PCSK6: variants seen among roughly 807,000 people sequenced by gnomAD.
The protein encoded by PCSK6 is paired basic amino acid cleaving enzyme 4.
Under a neutral mutation model 123.3 loss-of-function variants are expected in PCSK6, and 85 were observed. That is an observed-to-expected ratio of 0.69 (90% CI 0.58 to 0.83). PCSK6 has a LOEUF of 0.83. Ranked by LOEUF, PCSK6 falls within the 40% of genes least tolerant of loss-of-function variation. The pLI is 0.00. For missense variants in PCSK6, 1,191 were observed against 1,282.3 expected (o/e 0.93, Z 1.09); for synonymous variants, 508 against 516.0 (o/e 0.98, Z 0.21).
At position 101,489,481 on chromosome 15, in the gene PCSK6, G is replaced by A. The variant is rs1228449615; in HGVS notation, c.190C>T (p.Pro64Ser). The change falls in exon 1 of 22, where the codon CCC (proline) becomes TCC (serine). Residue 64 changes from proline to serine, a missense_variant. Physicochemically the swap from Pro to Ser is moderately conservative, Grantham distance 74. Coordinates refer to ENST00000611716, the MANE Select transcript of PCSK6 (RefSeq NM_002570.5). ...LLALPAACSA[P>S]PPRPVYTNHW... is the part of the protein sequence containing the mutation. ...TTGGTGTAGACGGGGCGCGGCGGGGGCGCGGAGCAGGCGGCAGGCAGCGCC... is the reference window on the plus strand; with the variant it reads ...TTGGTGTAGACGGGGCGCGGCGGGGACGCGGAGCAGGCGGCAGGCAGCGCC... 9 of 1,088,440 alleles carry A rather than the reference G, an allele frequency of 8.3e-6. No homozygotes were observed. The African/African-American group carries it at 1.2e-4, about 14-fold the overall frequency. 67.4% of individuals were successfully genotyped at this position (1,088,440 alleles called of 1,614,324 possible). A position where few individuals can be genotyped will look rare whatever the true frequency, so the allele number is the denominator to read the frequency against.
Position 101,398,184 on chromosome 15 carries a change from A to G in PCSK6, c.996+220T>C, listed in dbSNP as rs1323507664. ...GTGGCCACCTGGCTGTCACTGGAACAGCTGTTCTGGAACGAGGCAAAAACA... is the reference window on the plus strand; with the variant it reads ...GTGGCCACCTGGCTGTCACTGGAACGGCTGTTCTGGAACGAGGCAAAAACA... On this transcript the variant is annotated intron_variant, in intron 7 of 21. Coordinates refer to ENST00000611716, the MANE Select transcript of PCSK6 (RefSeq NM_002570.5). The surrounding 1 kb of genome is among the most constrained non-coding windows in gnomAD (Gnocchi z 4.6). 6.6e-6 allele frequency among the ~76,000 whole-genome samples: 1 copy of G among 152,188 alleles called. No individual in the cohort carries two copies. The highest frequency in any genetic ancestry group is 1.9e-4 in the East Asian group (1 of 5,188).
At chr15:101,458,642 G>C (rs1012730624) in intron 1 of PCSK6, among the ~76,000 whole-genome samples, 1 of 152,058 alleles carries the variant, frequency 6.6e-6, no homozygotes, top group African/African-American at 2.4e-5. Context: ...CGCGACTGAC[G>C]GTCCCAAAGG....
At chr15:101,484,277 G>A (rs1277928126) in intron 1 of PCSK6, among the ~76,000 whole-genome samples, 1 of 152,156 alleles carries the variant, frequency 6.6e-6, no homozygotes, top group African/African-American at 2.4e-5. Context: ...GGAGGTCATT[G>A]CTAACTAGAA....
chr15:101,366,851 T>A (rs984231795), intron 12 of PCSK6, among the ~76,000 whole-genome samples: 1 of 152,208 alleles, frequency 6.6e-6, no homozygotes, highest in African/African-American at 2.4e-5. Context: ...ACTTCCATGT[T>A]TGATTTCAAG....
intron 11 of PCSK6, among the ~76,000 whole-genome samples, chr15:101,374,256 C>G (rs1460050503): frequency 6.6e-6 from 1 of 152,004 alleles, no homozygotes; most frequent in East Asian, 1.9e-4. Flanking sequence ...TCCCTAGGAA[C>G]TCCAGACCAC....
At chr15:101,376,397 G>A (rs2041743887) in intron 11 of PCSK6, among the ~76,000 whole-genome samples, 2 of 152,232 alleles carry the variant, frequency 1.3e-5, no homozygotes, top group African/African-American at 2.4e-5. Context: ...CTTGGTTCCA[G>A]CAACGAGCAC....
At chr15:101,434,428 G>T (rs2056537063) in intron 2 of PCSK6, among the ~76,000 whole-genome samples, 1 of 152,256 alleles carries the variant, frequency 6.6e-6, no homozygotes, top group African/African-American at 2.4e-5. Context: ...CCACTAATCA[G>T]CTGGGAGATG....
chr15:101,394,106 A>G (rs1380269661), intron 7 of PCSK6, among the ~76,000 whole-genome samples: 1 of 146,698 alleles, frequency 6.8e-6, no homozygotes, highest in Non-Finnish European at 1.5e-5. Flanking sequence ...CCAGGGCCTC[A>G]TTTGTGTGTA....
chr15:101,429,558 A>G (rs1596324234), intron 5 of PCSK6, among the ~76,000 whole-genome samples: 1 of 152,244 alleles, frequency 6.6e-6, no homozygotes, highest in East Asian at 1.9e-4. Context: ...TCTATCCAGC[A>G]TTACTCATGC....
chr15:101,311,480 C>T (rs2141335619), intron 20 of PCSK6, among the ~76,000 whole-genome samples: 2 of 152,108 alleles, frequency 1.3e-5, no homozygotes, highest in East Asian at 3.9e-4. Context: ...CCTTGCTTCA[C>T]CTGCCATCAG....
intron 1 of PCSK6, among the ~76,000 whole-genome samples, chr15:101,451,403 C>T (rs1438658659): frequency 1.3e-5 from 2 of 152,138 alleles, no homozygotes. Flanking sequence ...GTCGGCTAAG[C>T]GCATACTTTG....
At chr15:101,348,747 A>G (rs2040813270) in intron 13 of PCSK6, among the ~76,000 whole-genome samples, 2 of 152,136 alleles carry the variant, frequency 1.3e-5, no homozygotes, top group African/African-American at 4.8e-5. Context: ...ACGTGCAGAA[A>G]CAGAGACTGA....
intron 7 of PCSK6, among the ~76,000 whole-genome samples, chr15:101,393,926 G>A (rs2042314928): frequency 6.6e-6 from 1 of 152,196 alleles, no homozygotes; most frequent in African/African-American, 2.4e-5. Flanking sequence ...TGCAGAGAGA[G>A]CTAAATTTGC....
chr15:101,463,288 C>T (rs1254163313), intron 1 of PCSK6, among the ~76,000 whole-genome samples: 1 of 152,140 alleles, frequency 6.6e-6, no homozygotes, highest in Non-Finnish European at 1.5e-5. Context: ...TCTCCTCTGC[C>T]CCCTTCTACA....
chr15:101,374,791 C>G (rs1014071451), intron 11 of PCSK6, among the ~76,000 whole-genome samples: 6 of 152,176 alleles, frequency 3.9e-5, no homozygotes, highest in Admixed American at 6.5e-5. Context: ...ACACAGTGCC[C>G]GTGTGAAGGT....
rs59757722 is a variant in PCSK6, at chr15:101,371,698, G to A, written c.1533-1175C>T. The stretch of plus-strand genomic sequence containing the variant: ...TGGGATTTGGGGCCCCAGAGCCCAC[G>A]CCTCTGCCTCCAGGCCTCACTGCCT... On this transcript the variant is annotated intron_variant, in intron 11 of 21. Coordinates refer to ENST00000611716, the MANE Select transcript of PCSK6 (RefSeq NM_002570.5). Among the ~76,000 whole-genome samples, 2,109 of 151,572 alleles carry A rather than the reference G, an allele frequency of 0.014. 135 individuals are homozygous for A. In the East Asian group the frequency reaches 0.2, roughly 14 times the overall value.
In PCSK6 at chr15:101,472,657, G is replaced by A. The variant is rs2057635109; in HGVS notation, c.297+16717C>T. Among the ~76,000 whole-genome samples the A allele has an allele frequency of 2.6e-5, 4 of 152,142 alleles. No homozygotes were observed. In the South Asian group the frequency reaches 6.2e-4, roughly 24 times the overall value. On this transcript the variant is annotated intron_variant, in intron 1 of 21. Transcript: ENST00000611716. ...CAGGGAGGAGGCTGAGCAGCTCCCT[G>A]GCATGATGAGATGCCCAGGCTGGCA... is the stretch of plus-strand genomic sequence containing the variant.
chr15:101,392,607 T>TTTTTTTTTC (rs2042266354), intron 8 of PCSK6, among the ~76,000 whole-genome samples: 1 of 151,208 alleles, frequency 6.6e-6, no homozygotes, highest in African/African-American at 2.4e-5. Flanking sequence ...TTTTTTTTTT[T>TTTTTTTTTC]TTTAAGTAGG....
At chr15:101,404,803 C>G (rs1181402987) in intron 6 of PCSK6, among the ~76,000 whole-genome samples, 1 of 152,190 alleles carries the variant, frequency 6.6e-6, no homozygotes, top group Non-Finnish European at 1.5e-5. Flanking sequence ...GGCAGGAGAC[C>G]TCACTGGCCA....
Sources: gnomAD v4.1 joint callset for allele counts (sites outside exome capture counted in the v4.1 genomes callset) on GRCh38, gnomAD v4.1.1 for gene constraint, Gnocchi (gnomAD v3.1) non-coding constraint, MANE v1.5 for transcripts, NCBI Gene and HGNC (gene_info 2026-07-23, HGNC 2026-07-21) for gene names.